KALRN: variants seen among roughly 807,000 people sequenced by gnomAD.
The protein encoded by KALRN is kalirin RhoGEF kinase.
Under a neutral mutation model 353.7 loss-of-function variants are expected in KALRN, and 70 were observed. That is an observed-to-expected ratio of 0.20 (90% confidence interval 0.16 to 0.24). The LOEUF (loss-of-function observed/expected upper bound fraction) is 0.24. Ranked by LOEUF, KALRN falls within the 10% of genes least tolerant of loss-of-function variation. KALRN has a pLI of 1.00. For synonymous variants in KALRN, 1,391 were observed against 1,434.8 expected (o/e 0.97, Z 0.69); for missense variants, 2,791 against 3,756.7 (o/e 0.74, Z 6.72).
chr3:124,395,591 A>T, intron 12 of KALRN: 1 of 484,466 alleles, frequency 2.1e-6, no homozygotes, highest in South Asian at 3.5e-5. Context: ...TCAGTAAGTA[A>T]CATAAATACA....
intron 5 of KALRN, among the ~76,000 whole-genome samples, chr3:124,278,122 T>A (rs2074960875): frequency 6.6e-6 from 1 of 151,656 alleles, no homozygotes. Context: ...GGGCTATGTG[T>A]CTCTACTCTT....
chr3:124,434,446 G>A lies in KALRN; in HGVS notation c.2969G>A (p.Trp990Ter). Residue 990 changes from tryptophan to a stop codon, truncating the protein, a stop_gained, in exon 17 of 60, where the codon TGG (tryptophan) becomes TAG (stop). Coordinates refer to ENST00000682506, the MANE Select transcript of KALRN (RefSeq NM_001388419.1). LOFTEE classifies it high-confidence loss of function. ...RECAEKVALH[W>*]QQLMLKMEDR... Reference sequence around the variant, plus strand: ...TGTGCTGAGAAGGTGGCCCTCCACTGGCAGCAGCTCATGCTGAAGATGGAA... The same window carrying A: ...TGTGCTGAGAAGGTGGCCCTCCACTAGCAGCAGCTCATGCTGAAGATGGAA... 6.2e-7 allele frequency: 1 copy of A among 1,614,234 alleles called. No homozygotes were observed.
At chr3:124,133,751 G>T (rs1223548425) in intron 1 of KALRN, among the ~76,000 whole-genome samples, 1 of 152,186 alleles carries the variant, frequency 6.6e-6, no homozygotes, top group Non-Finnish European at 1.5e-5. Flanking sequence ...CTGTCTGCTT[G>T]CCTGGAACCA....
chr3:124,035,007 T>C (rs2039285498), intron 1 of KALRN, among the ~76,000 whole-genome samples: 1 of 152,082 alleles, frequency 6.6e-6, no homozygotes, highest in Non-Finnish European at 1.5e-5. Flanking sequence ...GGGAGACTTG[T>C]GGCTTTGGAA....
intron 29 of KALRN, among the ~76,000 whole-genome samples, chr3:124,489,878 T>G (rs534291059): frequency 1.3e-5 from 2 of 152,382 alleles, no homozygotes; most frequent in East Asian, 3.9e-4. Flanking sequence ...CAGTAAAGTT[T>G]GAGAGCATCT....
At chr3:124,544,472 A>G (rs1283031686) in intron 33 of KALRN, among the ~76,000 whole-genome samples, 2 of 152,156 alleles carry the variant, frequency 1.3e-5, no homozygotes, top group Non-Finnish European at 2.9e-5. Flanking sequence ...GAGACAGGAG[A>G]ATCACTTGTA....
At chr3:124,614,062 G>C (rs1344541739) in intron 34 of KALRN, among the ~76,000 whole-genome samples, 1 of 152,158 alleles carries the variant, frequency 6.6e-6, no homozygotes, top group African/African-American at 2.4e-5. Flanking sequence ...CCTCAGACTA[G>C]CTTTCAGAAT....
At chr3:124,215,106 G>T (rs1339486901) in intron 1 of KALRN, among the ~76,000 whole-genome samples, 4 of 152,120 alleles carry the variant, frequency 2.6e-5, no homozygotes, top group Non-Finnish European at 5.9e-5. Context: ...GCTGGCAGCT[G>T]CTGGCAGCTA....
chr3:124,167,166 G>A (rs2071000376), intron 1 of KALRN, among the ~76,000 whole-genome samples: 1 of 152,194 alleles, frequency 6.6e-6, no homozygotes, highest in South Asian at 2.1e-4. Flanking sequence ...GCAGGGCTCT[G>A]CCTGAGCGAC....
At chr3:124,596,031 T>C (rs759628407) in intron 34 of KALRN, among the ~76,000 whole-genome samples, 6 of 152,214 alleles carry the variant, frequency 3.9e-5, no homozygotes, top group South Asian at 2.1e-4. Context: ...TAAACTCAGA[T>C]AGAATGATTC....
intron 33 of KALRN, among the ~76,000 whole-genome samples, chr3:124,508,474 T>C (rs529801742): frequency 3.0e-4 from 46 of 152,346 alleles, no homozygotes; most frequent in Admixed American, 2.0e-3. Context: ...CACTTATTTT[T>C]ATGGGATTCA....
At position 124,490,713 on chromosome 3, in the gene KALRN, T is replaced by C; in HGVS notation, c.4416T>C (p.Asp1472=). The C allele has an allele frequency of 6.2e-7, 1 of 1,613,090 alleles. No homozygotes were observed. Among genetic ancestry groups the C allele is most frequent in the East Asian group, 2.2e-5 (1 of 44,876 alleles). Residue 1472 remains aspartate, a synonymous_variant, in exon 30 of 60, where the codon GAT becomes GAC. Transcript: ENST00000682506. Reference sequence around the variant, plus strand: ...TTTCAGGGTTCGACGAGAACCTGGATGTGCAGGGGGAGTTGATTCTCCAGG... The same window carrying C: ...TTTCAGGGTTCGACGAGAACCTGGACGTGCAGGGGGAGTTGATTCTCCAGG... ...SMLEGFDENL[D]VQGELILQDA...
chr3:124,291,324 A>G (rs2076402290), intron 5 of KALRN, among the ~76,000 whole-genome samples: 2 of 152,304 alleles, frequency 1.3e-5, no homozygotes, highest in Middle Eastern at 3.4e-3. Flanking sequence ...CCCATCAGGT[A>G]TTTGCAGTTC....
At chr3:124,281,770 C>A (rs1224110398) in intron 5 of KALRN, among the ~76,000 whole-genome samples, 1 of 152,162 alleles carries the variant, frequency 6.6e-6, no homozygotes, top group Non-Finnish European at 1.5e-5. Context: ...TTGAAAATTT[C>A]TGGAGGTTAG....
At chr3:124,415,358 A>T (rs116015173) in intron 14 of KALRN, among the ~76,000 whole-genome samples, 1 of 152,272 alleles carries the variant, frequency 6.6e-6, no homozygotes, top group African/African-American at 2.4e-5. Context: ...TGATAATTAA[A>T]TCACAACATC....
chr3:124,465,133 G>A (rs2060207913), intron 25 of KALRN, among the ~76,000 whole-genome samples: 1 of 151,974 alleles, frequency 6.6e-6, no homozygotes, highest in African/African-American at 2.4e-5. Flanking sequence ...ATTTCCTACA[G>A]GATCTGTGGG....
At chr3:124,623,399 TACACAC>T (rs372330681) in intron 34 of KALRN, among the ~76,000 whole-genome samples, 83 of 136,502 alleles carry the variant, frequency 6.1e-4, no homozygotes, top group Non-Finnish European at 9.4e-4. Flanking sequence ...TATTTATTTA[TACACAC>T]ACACACACAC....
At chr3:124,049,769 T>A (rs1442040740) in intron 1 of KALRN, among the ~76,000 whole-genome samples, 1 of 152,228 alleles carries the variant, frequency 6.6e-6, no homozygotes, top group African/African-American at 2.4e-5. Flanking sequence ...ACTGCCCAGA[T>A]GGCTGAGGTT....
intron 33 of KALRN, among the ~76,000 whole-genome samples, chr3:124,537,100 G>A (rs945217087): frequency 6.6e-6 from 1 of 152,104 alleles, no homozygotes; most frequent in African/African-American, 2.4e-5. Context: ...GGAATGCAGT[G>A]GCACAATCTC....
Sources: allele counts gnomAD v4.1 joint callset (sites outside exome capture counted in the v4.1 genomes callset), GRCh38; gene constraint gnomAD v4.1.1; transcripts MANE v1.5; gene names NCBI Gene and HGNC (gene_info 2026-07-23, HGNC 2026-07-21).